The following RBFOX1 variants were observed in gnomAD, a reference collection of about 807,000 sequenced individuals.
RBFOX1 encodes RNA binding protein fox-1 homolog 1.
A neutral mutation model predicts 57.7 loss-of-function variants in RBFOX1; 8 were observed. That is an observed-to-expected ratio of 0.14 (90% confidence interval 0.08 to 0.25). The LOEUF (loss-of-function observed/expected upper bound fraction) is 0.25. Among genes scored for constraint, RBFOX1 ranks in the 10% least tolerant of loss-of-function variants. The pLI, the probability that RBFOX1 is intolerant of heterozygous loss-of-function variation, is 1.00. For synonymous variants in RBFOX1, 326 were observed against 222.4 expected, an observed-to-expected ratio of 1.47 and a Z score of -4.15; for missense variants, 611 against 548.5, an observed-to-expected ratio of 1.11 and a Z score of -1.14.
At chr16:7,322,280 G>A (rs867560738) in intron 4 of RBFOX1, among the ~76,000 whole-genome samples, 1 of 152,252 alleles carries the variant, frequency 6.6e-6, no homozygotes, top group Non-Finnish European at 1.5e-5. Flanking sequence ...GGGTGCCTTA[G>A]CACCTGCCCC....
chr16:5,802,286 T>C (rs757507288), intron 3 of RBFOX1, among the ~76,000 whole-genome samples: 19 of 152,134 alleles, frequency 1.2e-4, no homozygotes, highest in Non-Finnish European at 2.4e-4. Flanking sequence ...TCTCCCCCTT[T>C]AGATACAAAA....
At chr16:5,361,924 G>A (rs1159365249) in intron 1 of RBFOX1, among the ~76,000 whole-genome samples, 2 of 152,148 alleles carry the variant, frequency 1.3e-5, no homozygotes, top group African/African-American at 4.8e-5. Flanking sequence ...AGAATGGTTT[G>A]GACAGCAGGC....
intron 3 of RBFOX1, among the ~76,000 whole-genome samples, chr16:6,895,118 A>C (rs1383663632): frequency 6.6e-6 from 1 of 152,128 alleles, no homozygotes; most frequent in Admixed American, 6.6e-5. Context: ...CCTCTTTTCC[A>C]TAGAAGTTCA....
intron 1 of RBFOX1, among the ~76,000 whole-genome samples, chr16:5,304,476 G>A (rs894744469): frequency 3.3e-5 from 5 of 152,318 alleles, no homozygotes; most frequent in African/African-American, 9.6e-5. Flanking sequence ...GGGGAGTTGA[G>A]TCTGTCATGG....
chr16:6,599,481 G>A (rs958636383), intron 2 of RBFOX1, among the ~76,000 whole-genome samples: 3 of 152,072 alleles, frequency 2.0e-5, no homozygotes, highest in Non-Finnish European at 4.4e-5. Flanking sequence ...AATACTAAGC[G>A]ACACACCTAA....
At chr16:6,890,200 T>C (rs922438586) in intron 3 of RBFOX1, among the ~76,000 whole-genome samples, 3 of 152,140 alleles carry the variant, frequency 2.0e-5, no homozygotes, top group Admixed American at 6.5e-5. Context: ...CTGTAAGCCT[T>C]TTGGTACCCT....
chr16:7,609,784 C>T (rs772537222), intron 10 of RBFOX1, among the ~76,000 whole-genome samples: 1 of 151,422 alleles, frequency 6.6e-6, no homozygotes, highest in Non-Finnish European at 1.5e-5. Flanking sequence ...TTCTTTACAA[C>T]CAGTTGATAC....
intron 4 of RBFOX1, among the ~76,000 whole-genome samples, chr16:5,901,922 T>G (rs2058313925): frequency 6.6e-6 from 1 of 152,220 alleles, no homozygotes; most frequent in African/African-American, 2.4e-5. Flanking sequence ...GAAGCCTTCT[T>G]TGGTTCTCCA....
At chr16:7,358,431 T>G (rs1242797846) in intron 4 of RBFOX1, among the ~76,000 whole-genome samples, 2 of 152,142 alleles carry the variant, frequency 1.3e-5, no homozygotes, top group East Asian at 1.9e-4. Context: ...TGTTTTTTGT[T>G]TTTTTTTGAG....
chr16:6,990,826 G>A (rs1379005497), intron 3 of RBFOX1, among the ~76,000 whole-genome samples: 2 of 152,124 alleles, frequency 1.3e-5, no homozygotes, highest in Non-Finnish European at 2.9e-5. Flanking sequence ...ATATCAGTGA[G>A]TGCTGATAAC....
chr16:6,005,358 A>G (rs1010610110), intron 4 of RBFOX1, among the ~76,000 whole-genome samples: 9 of 152,196 alleles, frequency 5.9e-5, no homozygotes, highest in African/African-American at 1.9e-4. Flanking sequence ...CATTCTGCCA[A>G]TGTTTGTTGA....
intron 4 of RBFOX1, among the ~76,000 whole-genome samples, chr16:7,268,952 G>A (rs78905679): frequency 2.0e-5 from 3 of 147,148 alleles, no homozygotes; most frequent in South Asian, 2.1e-4. Flanking sequence ...CAGGAGAACC[G>A]CTTGAACCCT....
chr16:7,134,083 C>T (rs750333719), intron 4 of RBFOX1, among the ~76,000 whole-genome samples: 2 of 152,252 alleles, frequency 1.3e-5, no homozygotes, highest in South Asian at 2.1e-4. Context: ...TAGCACTTGG[C>T]AGTTTGTTAT....
At chr16:5,406,592 A>C (rs2880064) in intron 1 of RBFOX1, among the ~76,000 whole-genome samples, 45,249 of 151,406 alleles carry the variant, frequency 0.3, 6,943 homozygotes, top group African/African-American at 0.39. Context: ...CTCTCTCTCT[A>C]TATATATGTA....
intron 2 of RBFOX1, among the ~76,000 whole-genome samples, chr16:6,560,716 C>G (rs954876411): frequency 6.6e-6 from 1 of 152,034 alleles, no homozygotes; most frequent in Non-Finnish European, 1.5e-5. Flanking sequence ...ATTATGAGGG[C>G]GCTTAATGCA....
At chr16:7,065,912 G>C (rs1390510212) in intron 4 of RBFOX1, among the ~76,000 whole-genome samples, 1 of 152,116 alleles carries the variant, frequency 6.6e-6, no homozygotes, top group African/African-American at 2.4e-5. Flanking sequence ...ATGTCTTTCT[G>C]TGTAAGGCCC....
rs547828750 is a variant in RBFOX1 at position 7,486,020 on chromosome 16, T to C, written c.28-32127T>C. 7.9e-5 allele frequency among the ~76,000 whole-genome samples: 12 copies of C among 152,316 alleles called. No homozygotes were observed. The East Asian group carries it at 2.3e-3, about 29-fold the overall frequency. On this transcript the variant is annotated intron_variant, in intron 4 of 15. Transcript: ENST00000550418. ...GCTGAAAGTGTTTCCTGTCTGGCTC[T>C]TTACAGGAAAACACAATTTCTGATC...
chr16:7,399,721 A>T (rs966012314), intron 4 of RBFOX1, among the ~76,000 whole-genome samples: 1 of 97,466 alleles, frequency 1.0e-5, no homozygotes, highest in African/African-American at 3.7e-5. Flanking sequence ...TAAGTTTAAG[A>T]TGACCCCATA....
At chr16:5,572,219 G>A (rs937744016) in intron 2 of RBFOX1, among the ~76,000 whole-genome samples, 4 of 152,212 alleles carry the variant, frequency 2.6e-5, no homozygotes, top group African/African-American at 9.6e-5. Context: ...TTATACTTCT[G>A]TGGCTCAGAA....
Sources: allele counts gnomAD v4.1 joint callset (sites outside exome capture counted in the v4.1 genomes callset), GRCh38; gene constraint gnomAD v4.1.1; transcripts MANE v1.5; gene names NCBI Gene and HGNC (gene_info 2026-07-23, HGNC 2026-07-21).